DPYD: variants seen among roughly 807,000 people sequenced by gnomAD.
The protein encoded by DPYD is dihydropyrimidine dehydrogenase.
In DPYD, 109 loss-of-function variants were observed where a neutral mutation model predicts 116.2. The ratio of observed to expected loss-of-function variants is 0.94; its 90% CI spans 0.80 to 1.10. DPYD has a LOEUF of 1.10. Among genes scored for constraint, DPYD ranks in the 50% least tolerant of loss-of-function variants. The probability of loss-of-function intolerance (pLI) is 0.00; values close to 1 mark genes in which losing one functional copy is unlikely to be tolerated. For missense variants in DPYD, 1,302 were observed against 1,254.5 expected (o/e 1.04, Z -0.57); for synonymous variants, 440 against 432.0 (o/e 1.02, Z -0.23).
chr1:97,469,221 G>C (rs562459234), intron 13 of DPYD, among the ~76,000 whole-genome samples: 1 of 151,840 alleles, frequency 6.6e-6, no homozygotes, highest in African/African-American at 2.4e-5. Context: ...TCAAATTTAG[G>C]TGAGGGTTAC....
At chr1:97,332,806 A>T (rs1669081913) in intron 16 of DPYD, among the ~76,000 whole-genome samples, 1 of 152,192 alleles carries the variant, frequency 6.6e-6, no homozygotes, top group Admixed American at 6.5e-5. Context: ...AATCTCTGAG[A>T]GTCATAGACT....
intron 13 of DPYD, among the ~76,000 whole-genome samples, chr1:97,483,565 G>A (rs1327041228): frequency 6.6e-6 from 1 of 152,062 alleles, no homozygotes; most frequent in South Asian, 2.1e-4. Flanking sequence ...CCTAAGTGAT[G>A]GGTTGTTAGG....
At chr1:97,912,594 T>C (rs1390452512) in intron 1 of DPYD, among the ~76,000 whole-genome samples, 1 of 152,096 alleles carries the variant, frequency 6.6e-6, no homozygotes, top group Non-Finnish European at 1.5e-5. Context: ...GGTCATCTTT[T>C]GATTTTAGTT....
chr1:97,170,634 T>C (rs141770327), intron 20 of DPYD, among the ~76,000 whole-genome samples: 90 of 152,216 alleles, frequency 5.9e-4, no homozygotes, highest in African/African-American at 2.1e-3. Context: ...TCTTCTTCAT[T>C]ATTCTCTGGC....
At chr1:97,492,403 A>C (rs754518472) in intron 13 of DPYD, among the ~76,000 whole-genome samples, 3 of 152,136 alleles carry the variant, frequency 2.0e-5, no homozygotes, top group Non-Finnish European at 4.4e-5. Context: ...AAATGACTTT[A>C]AGGAAAATCT....
At chr1:97,189,442 G>C (rs1169925642) in intron 20 of DPYD, among the ~76,000 whole-genome samples, 2 of 152,094 alleles carry the variant, frequency 1.3e-5, no homozygotes, top group African/African-American at 2.4e-5. Flanking sequence ...CTCATCCCAA[G>C]CACCAAAAAG....
intron 16 of DPYD, among the ~76,000 whole-genome samples, chr1:97,357,610 C>G (rs1570585939): frequency 6.6e-6 from 1 of 152,082 alleles, no homozygotes; most frequent in African/African-American, 2.4e-5. Flanking sequence ...CTGGTGAAAT[C>G]TGAGTTTTCT....
chr1:97,916,280 A>C (rs559308794), intron 1 of DPYD, among the ~76,000 whole-genome samples: 78 of 152,236 alleles, frequency 5.1e-4, no homozygotes, highest in Non-Finnish European at 8.5e-4. Context: ...GGTGTGCTGC[A>C]CCCAGTAACT....
intron 3 of DPYD, chr1:97,774,966 C>T: frequency 3.0e-6 from 1 of 336,320 alleles, no homozygotes; most frequent in Non-Finnish European, 6.3e-6. Context: ...TCACTGCATG[C>T]CAAACTGGAG....
At chr1:97,412,450 T>G (rs1674058623) in intron 14 of DPYD, among the ~76,000 whole-genome samples, 1 of 152,158 alleles carries the variant, frequency 6.6e-6, no homozygotes, top group Non-Finnish European at 1.5e-5. Context: ...TCTTTGAAAC[T>G]TACAAAACGA....
At chr1:97,809,685 C>A (rs1209355427) in intron 3 of DPYD, among the ~76,000 whole-genome samples, 1 of 152,064 alleles carries the variant, frequency 6.6e-6, no homozygotes, top group African/African-American at 2.4e-5. Context: ...ATGTAGTATA[C>A]ACAATATCAC....
chr1:97,594,517 A>G (rs1048511837), intron 9 of DPYD, among the ~76,000 whole-genome samples: 1 of 152,170 alleles, frequency 6.6e-6, no homozygotes, highest in Non-Finnish European at 1.5e-5. Context: ...AAGGATTTAG[A>G]TTATCTGACT....
intron 20 of DPYD, among the ~76,000 whole-genome samples, chr1:97,187,513 C>G (rs1292853059): frequency 6.6e-6 from 1 of 152,014 alleles, no homozygotes; most frequent in East Asian, 1.9e-4. Flanking sequence ...TATATTTTCT[C>G]CTATTCTGTA....
chr1:97,456,599 G>A (rs1181697454), intron 13 of DPYD, among the ~76,000 whole-genome samples: 1 of 152,032 alleles, frequency 6.6e-6, no homozygotes, highest in Non-Finnish European at 1.5e-5. Context: ...GCATTAGTTA[G>A]TCATCCCTTG....
At chr1:97,323,098 A>T in intron 16 of DPYD, 1 of 149,424 alleles carries the variant, frequency 6.7e-6, no homozygotes, top group Non-Finnish European at 1.5e-5. Flanking sequence ...TTTTTTTACT[A>T]TTTTTTATAT....
chr1:97,642,648 G>C (rs566782179), intron 8 of DPYD, among the ~76,000 whole-genome samples: 1 of 145,112 alleles, frequency 6.9e-6, no homozygotes, highest in Non-Finnish European at 1.5e-5. Flanking sequence ...ACCAAACACC[G>C]CATGTTCTCA....
chr1:97,645,831 A>G (rs544083180), intron 8 of DPYD, among the ~76,000 whole-genome samples: 17 of 152,246 alleles, frequency 1.1e-4, no homozygotes, highest in African/African-American at 3.8e-4. Context: ...CAGTCTCCAA[A>G]AAACAATCTT....
chr1:97,411,732 A>G (rs1674003904), intron 14 of DPYD, among the ~76,000 whole-genome samples: 1 of 152,162 alleles, frequency 6.6e-6, no homozygotes, highest in Admixed American at 6.5e-5. Flanking sequence ...TTCAGTTCAA[A>G]ATGTTTCTTC....
At chr1:97,467,622 T>A (rs1677405458) in intron 13 of DPYD, among the ~76,000 whole-genome samples, 1 of 152,200 alleles carries the variant, frequency 6.6e-6, no homozygotes, top group East Asian at 1.9e-4. Flanking sequence ...CTCTCGCTGC[T>A]ATCAGGTTGT....
Sources: allele counts gnomAD v4.1 joint callset (sites outside exome capture counted in the v4.1 genomes callset), GRCh38; gene constraint gnomAD v4.1.1; transcripts MANE v1.5; gene names NCBI Gene and HGNC (gene_info 2026-07-23, HGNC 2026-07-21).